Variants in NAALADL2 observed in about 807,000 individuals in gnomAD.
NAALADL2 encodes the protein N-acetylated alpha-linked acidic dipeptidase like 2.
NAALADL2 carries 76 observed loss-of-function variants against 87.2 expected under a neutral mutation model. That is an observed-to-expected ratio of 0.87 (90% CI 0.72 to 1.05). The LOEUF is 1.05. Ranked by LOEUF, NAALADL2 falls within the 50% of genes least tolerant of loss-of-function variation. The probability of loss-of-function intolerance (pLI) is 0.00; values close to 1 mark genes in which losing one functional copy is unlikely to be tolerated. For synonymous variants in NAALADL2, 354 were observed against 331.0 expected (o/e 1.07, Z -0.75); for missense variants, 1,089 against 945.8 (o/e 1.15, Z -1.99).
intron 1 of NAALADL2, among the ~76,000 whole-genome samples, chr3:174,450,965 G>A (rs574445066): frequency 6.6e-6 from 1 of 151,314 alleles, no homozygotes; most frequent in Admixed American, 6.6e-5. Flanking sequence ...TCAGTTCTAT[G>A]AGACAACTGA....
chr3:175,779,396 TTTC>T (rs200239021), intron 13 of NAALADL2, among the ~76,000 whole-genome samples: 1,687 of 152,318 alleles, frequency 0.011, 32 homozygotes, highest in African/African-American at 0.038. Flanking sequence ...CACCCAGTAT[TTTC>T]TTCTTATTTT....
chr3:175,733,335 G>A lies in NAALADL2; in HGVS notation c.1897-3971G>A, dbSNP rs535556034. Reference sequence around the variant, plus strand: ...TAATCATGTTGGAAGGCAAGGTGGAGCAAGTTACATCTTACGTGGTTGGTG... The same window carrying A: ...TAATCATGTTGGAAGGCAAGGTGGAACAAGTTACATCTTACGTGGTTGGTG... On this transcript the variant is annotated intron_variant, in intron 11 of 13. Coordinates refer to ENST00000454872, the MANE Select transcript of NAALADL2 (RefSeq NM_207015.3). Among the ~76,000 whole-genome samples, 5 of 152,298 alleles carry A rather than the reference G, an allele frequency of 3.3e-5. No individual in the cohort carries two copies. The South Asian group carries it at 6.2e-4, about 19-fold the overall frequency.
At chr3:174,662,874 A>T (rs1356091646) in intron 2 of NAALADL2, among the ~76,000 whole-genome samples, 4 of 152,222 alleles carry the variant, frequency 2.6e-5, no homozygotes, top group Admixed American at 1.3e-4. Flanking sequence ...TGCAGAGCAC[A>T]GTCTTCATGA....
chr3:175,207,773 A>T (rs1265730213), intron 2 of NAALADL2, among the ~76,000 whole-genome samples: 1 of 152,108 alleles, frequency 6.6e-6, no homozygotes, highest in Non-Finnish European at 1.5e-5. Flanking sequence ...GTTTAAACAT[A>T]ACCGAAAAAA....
At chr3:175,512,845 T>A (rs1045222127) in intron 9 of NAALADL2, among the ~76,000 whole-genome samples, 4 of 152,204 alleles carry the variant, frequency 2.6e-5, no homozygotes, top group Admixed American at 6.5e-5. Flanking sequence ...AGCAAACAAT[T>A]TGCCTTTGTT....
intron 13 of NAALADL2, among the ~76,000 whole-genome samples, chr3:175,783,799 T>G (rs1196358805): frequency 6.7e-6 from 1 of 150,052 alleles, no homozygotes; most frequent in Admixed American, 6.6e-5. Flanking sequence ...AAGGGAATGC[T>G]TCCAGTTTTT....
intron 11 of NAALADL2, among the ~76,000 whole-genome samples, chr3:175,705,524 G>A (rs529457956): frequency 1.3e-5 from 2 of 150,236 alleles, no homozygotes; most frequent in Non-Finnish European, 3.0e-5. Flanking sequence ...TAAAGAAGTT[G>A]GAGGTGAGGA....
chr3:174,865,876 C>T (rs1727081055), intron 1 of NAALADL2, among the ~76,000 whole-genome samples: 1 of 151,762 alleles, frequency 6.6e-6, no homozygotes, highest in Non-Finnish European at 1.5e-5. Context: ...TGCTTTATTT[C>T]CCCCCTCTTT....
intron 1 of NAALADL2, among the ~76,000 whole-genome samples, chr3:174,511,369 T>C (rs1719591773): frequency 6.6e-6 from 1 of 152,060 alleles, no homozygotes; most frequent in Non-Finnish European, 1.5e-5. Context: ...TTTAGGACTA[T>C]TATGTTCTCC....
chr3:175,215,049 C>G (rs1363224237), intron 2 of NAALADL2, among the ~76,000 whole-genome samples: 1 of 152,078 alleles, frequency 6.6e-6, no homozygotes, highest in African/African-American at 2.4e-5. Context: ...CCACAGCCCT[C>G]TTTTTTTCCC....
intron 1 of NAALADL2, among the ~76,000 whole-genome samples, chr3:174,450,647 G>A (rs1399264428): frequency 6.6e-6 from 1 of 152,096 alleles, no homozygotes; most frequent in African/African-American, 2.4e-5. Context: ...CAAGGCAGGT[G>A]GATCATGAGA....
At chr3:175,638,802 C>T (rs901905972) in intron 11 of NAALADL2, among the ~76,000 whole-genome samples, 1 of 152,122 alleles carries the variant, frequency 6.6e-6, no homozygotes, top group Non-Finnish European at 1.5e-5. Context: ...GATATTTATA[C>T]ATTTTTATTT....
intron 1 of NAALADL2, among the ~76,000 whole-genome samples, chr3:174,508,460 CT>C (rs1719370186): frequency 6.6e-6 from 1 of 152,132 alleles, no homozygotes; most frequent in South Asian, 2.1e-4. Flanking sequence ...GACTAATGTC[CT>C]TTGTATTTCC....
intron 2 of NAALADL2, among the ~76,000 whole-genome samples, chr3:174,715,629 A>G (rs1336791427): frequency 6.6e-6 from 1 of 152,194 alleles, no homozygotes; most frequent in African/African-American, 2.4e-5. Context: ...CCCAGTTTCA[A>G]GAAATGCTGT....
chr3:174,761,124 C>G (rs1712885426), intron 3 of NAALADL2, among the ~76,000 whole-genome samples: 3 of 152,108 alleles, frequency 2.0e-5, no homozygotes, highest in Non-Finnish European at 2.9e-5. Context: ...GACTTTAAAC[C>G]CTTCTACTTC....
intron 2 of NAALADL2, among the ~76,000 whole-genome samples, chr3:174,692,995 G>A (rs1415674175): frequency 8.9e-6 from 1 of 112,876 alleles, no homozygotes; most frequent in Admixed American, 9.1e-5. Flanking sequence ...ATACCAACCA[G>A]TAAAATAATA....
At chr3:174,676,175 A>G (rs918500068) in intron 2 of NAALADL2, among the ~76,000 whole-genome samples, 7 of 151,996 alleles carry the variant, frequency 4.6e-5, no homozygotes, top group Admixed American at 4.6e-4. Context: ...AATTGTGAAG[A>G]TCACTCAAAG....
At chr3:175,479,715 A>G (rs758256100) in intron 9 of NAALADL2, among the ~76,000 whole-genome samples, 5 of 151,730 alleles carry the variant, frequency 3.3e-5, no homozygotes, top group Non-Finnish European at 7.4e-5. Context: ...TTCACCTGCA[A>G]ATTTATAGCC....
chr3:174,999,217 T>C (rs1015603608), intron 1 of NAALADL2, among the ~76,000 whole-genome samples: 1 of 152,164 alleles, frequency 6.6e-6, no homozygotes, highest in Non-Finnish European at 1.5e-5. Flanking sequence ...TAAAGTATTT[T>C]TCCCCAGTCC....
Sources: gnomAD v4.1 joint callset for allele counts (sites outside exome capture counted in the v4.1 genomes callset) on GRCh38, gnomAD v4.1.1 for gene constraint, MANE v1.5 for transcripts, NCBI Gene and HGNC (gene_info 2026-07-23, HGNC 2026-07-21) for gene names.